The following YAP1 variants were observed in gnomAD, a reference collection of about 807,000 sequenced individuals.
YAP1 encodes the protein Yes1 associated transcriptional regulator.
Under a neutral mutation model 56.9 loss-of-function variants are expected in YAP1, and 5 were observed. The observed-to-expected ratio is 0.09, with a 90% CI of 0.05 to 0.18. The LOEUF is 0.18. Among genes scored for constraint, YAP1 ranks in the 10% least tolerant of loss-of-function variants. The probability of loss-of-function intolerance (pLI) is 1.00; values close to 1 mark genes in which losing one functional copy is unlikely to be tolerated. For synonymous variants in YAP1, 265 were observed against 248.1 expected, an observed-to-expected ratio of 1.07 and a Z score of -0.64; for missense variants, 539 against 651.8, an observed-to-expected ratio of 0.83 and a Z score of 1.88.
chr11:102,125,181 A>G (rs2135190394), intron 2 of YAP1, among the ~76,000 whole-genome samples: 1 of 150,474 alleles, frequency 6.6e-6, no homozygotes, highest in Middle Eastern at 3.5e-3. Flanking sequence ...GGGACCGGCT[A>G]ATTTTTGTGT....
chr11:102,133,306 G>T (rs1355524489), intron 2 of YAP1, among the ~76,000 whole-genome samples: 2 of 151,992 alleles, frequency 1.3e-5, no homozygotes, highest in Admixed American at 6.6e-5. Context: ...GAATTTTTGG[G>T]TTTTTTTGGG....
intron 1 of YAP1, among the ~76,000 whole-genome samples, chr11:102,111,441 T>C (rs1370868594): frequency 6.6e-6 from 1 of 151,726 alleles, no homozygotes; most frequent in African/African-American, 2.4e-5. Flanking sequence ...TTTCCCTCCT[T>C]CTTCCTTTCT....
intron 4 of YAP1, among the ~76,000 whole-genome samples, chr11:102,190,133 C>T (rs911529751): frequency 1.3e-5 from 2 of 152,116 alleles, no homozygotes; most frequent in Non-Finnish European, 2.9e-5. Context: ...AAGCAAGTCT[C>T]TTGATAGCTG....
chr11:102,205,869 ATT>A, intron 4 of YAP1, 22 bp from the exon 5 acceptor site: 4 of 1,401,094 alleles, frequency 2.9e-6, no homozygotes, highest in Admixed American at 4.9e-5. Flanking sequence ...TTTAGGACAG[ATT>A]TTTTTTTTCT....
intron 2 of YAP1, among the ~76,000 whole-genome samples, chr11:102,159,347 C>G (rs1374792987): frequency 6.6e-6 from 1 of 152,192 alleles, no homozygotes; most frequent in Non-Finnish European, 1.5e-5. Flanking sequence ...AATTCTTTCC[C>G]TAAGCTGATA....
chr11:102,228,924 C>G (rs1950332643), intron 8 of YAP1, among the ~76,000 whole-genome samples: 1 of 152,146 alleles, frequency 6.6e-6, no homozygotes, highest in South Asian at 2.1e-4. Context: ...TCCACACTAC[C>G]CCTCCTCTCT....
chr11:102,139,716 CTT>C (rs753088878), intron 2 of YAP1, among the ~76,000 whole-genome samples: 42 of 152,260 alleles, frequency 2.8e-4, no homozygotes, highest in Middle Eastern at 3.4e-3. Context: ...AGCAGTTTTA[CTT>C]ACGCTTATAA....
chr11:102,151,443 T>A (rs1945652368), intron 2 of YAP1, among the ~76,000 whole-genome samples: 2 of 152,240 alleles, frequency 1.3e-5, no homozygotes, highest in African/African-American at 4.8e-5. Context: ...CACCTTTATG[T>A]GTCCTCCTCT....
chr11:102,206,523 A>G (rs1949129437), intron 5 of YAP1, among the ~76,000 whole-genome samples: 2 of 152,220 alleles, frequency 1.3e-5, no homozygotes, highest in Admixed American at 1.3e-4. Context: ...GTATTACCGA[A>G]TCTAAGAATT....
chr11:102,178,706 C>A (rs1025463815), intron 3 of YAP1, among the ~76,000 whole-genome samples: 2 of 152,190 alleles, frequency 1.3e-5, no homozygotes, highest in Non-Finnish European at 2.9e-5. Flanking sequence ...CTACTACTCT[C>A]TTTTTGCTTA....
At chr11:102,133,181 A>ACAAG (rs1944469110) in intron 2 of YAP1, among the ~76,000 whole-genome samples, 2 of 152,080 alleles carry the variant, frequency 1.3e-5, no homozygotes, top group African/African-American at 4.8e-5. Context: ...AAACAAACAA[A>ACAAG]CAAACAATTT....
Position 102,111,085 on chromosome 11 carries a change from C to A in YAP1, c.237C>A (p.Asn79Lys), listed in dbSNP as rs761519840. 2 of 1,613,444 alleles carry A rather than the reference C, an allele frequency of 1.2e-6. No individual in the cohort carries two copies. Among genetic ancestry groups the A allele is most frequent in the East Asian group, 2.2e-5 (1 of 44,780 alleles). ...FNAVMNPKTA[N>K]VPQTVPMRLR... ...CCGTCATGAACCCCAAGACGGCCAA[C>A]GTGCCCCAGACCGTGCCCATGAGGC... Residue 79 changes from asparagine (N) to lysine (K), a missense_variant, in exon 1 of 9, where the codon AAC (asparagine) becomes AAA (lysine). By Grantham distance (94) the Asn-to-Lys change is moderately conservative. Transcript: ENST00000282441.
intron 2 of YAP1, among the ~76,000 whole-genome samples, chr11:102,122,017 C>G (rs902185018): frequency 6.6e-6 from 1 of 152,104 alleles, no homozygotes; most frequent in Non-Finnish European, 1.5e-5. Flanking sequence ...AGGCTGGTCT[C>G]AAACTCCTGG....
At chr11:102,153,310 C>G (rs542403072) in intron 2 of YAP1, among the ~76,000 whole-genome samples, 1 of 152,142 alleles carries the variant, frequency 6.6e-6, no homozygotes. Context: ...ATGAGTGATT[C>G]ACAGATGGTT....
intron 6 of YAP1, among the ~76,000 whole-genome samples, chr11:102,215,269 C>T (rs1451942010): frequency 6.6e-6 from 1 of 152,154 alleles, no homozygotes; most frequent in Non-Finnish European, 1.5e-5. Flanking sequence ...GAGTTATTCT[C>T]CATTTCTAAA....
chr11:102,145,186 G>A (rs1945260317), intron 2 of YAP1, among the ~76,000 whole-genome samples: 1 of 152,132 alleles, frequency 6.6e-6, no homozygotes, highest in African/African-American at 2.4e-5. Flanking sequence ...CAGGACTGTT[G>A]CCAACTGAAC....
intron 4 of YAP1, among the ~76,000 whole-genome samples, chr11:102,194,797 G>C (rs1948489728): frequency 6.6e-6 from 1 of 152,134 alleles, no homozygotes; most frequent in African/African-American, 2.4e-5. Flanking sequence ...ATTATCCTCT[G>C]TGAAAGAGCT....
chr11:102,162,567 T>C lies in YAP1; in HGVS notation c.684T>C (p.Ala228=), dbSNP rs1163630662. The C allele has an allele frequency of 6.2e-7, 1 of 1,613,944 alleles. No individual in the cohort carries two copies. Among genetic ancestry groups the C allele is most frequent in the African/African-American group, 1.3e-5 (1 of 74,928 alleles). ...TGCAGCAGAATATGATGAACTCGGCTTCAGGTGAGTGAGACACTGTAATTA... is the reference window on the plus strand; with the variant it reads ...TGCAGCAGAATATGATGAACTCGGCCTCAGGTGAGTGAGACACTGTAATTA... ...PPVQQNMMNS[A]SGPLPDGWEQ... is the part of the protein sequence containing the mutation. The change falls in exon 3 of 9, where the codon GCT becomes GCC. Residue 228 remains alanine, a synonymous_variant. Transcript: ENST00000282441.
At chr11:102,171,478 T>C (rs567856609) in intron 3 of YAP1, among the ~76,000 whole-genome samples, 1 of 152,356 alleles carries the variant, frequency 6.6e-6, no homozygotes, top group East Asian at 1.9e-4. Context: ...TAGGTTAAAA[T>C]CTTAATGAAA....
Sources: allele counts gnomAD v4.1 joint callset (sites outside exome capture counted in the v4.1 genomes callset), GRCh38; gene constraint gnomAD v4.1.1; transcripts MANE v1.5; gene names NCBI Gene and HGNC (gene_info 2026-07-23, HGNC 2026-07-21).